LRRK2: variants seen among roughly 807,000 people sequenced by gnomAD.
The protein encoded by LRRK2 is leucine rich repeat kinase 2.
In LRRK2, 203 loss-of-function variants were observed where a neutral mutation model predicts 302.6. The observed-to-expected ratio is 0.67, with a 90% confidence interval of 0.60 to 0.75. LRRK2 has a LOEUF of 0.75. LRRK2 is among the 30% of genes least tolerant of loss of function. LRRK2 has a pLI of 0.00. For missense variants in LRRK2, 2,830 were observed against 2,951.0 expected, an observed-to-expected ratio of 0.96 and a Z score of 0.95; for synonymous variants, 1,066 against 1,031.9, an observed-to-expected ratio of 1.03 and a Z score of -0.63.
chr12:40,324,606 G>C lies in LRRK2; in HGVS notation c.5656+1300G>C, dbSNP rs554754283. Reference sequence around the variant, plus strand: ...AAATTACCCCAGAAATAATGCCTAAGATCTGTCAGTCAGGACATAATATTA... The same window carrying C: ...AAATTACCCCAGAAATAATGCCTAACATCTGTCAGTCAGGACATAATATTA... On this transcript the variant is annotated intron_variant, in intron 38 of 50. Transcript: ENST00000298910. Among the ~76,000 whole-genome samples, 12 of 152,240 alleles carry C rather than the reference G, an allele frequency of 7.9e-5. No individual in the cohort carries two copies. The South Asian group carries it at 2.5e-3, about 32-fold the overall frequency.
At chr12:40,270,219 C>T (rs1943176865) in intron 14 of LRRK2, among the ~76,000 whole-genome samples, 1 of 152,112 alleles carries the variant, frequency 6.6e-6, no homozygotes, top group Admixed American at 6.6e-5. Context: ...ATGAGGAAAT[C>T]AGAGTATTTG....
chr12:40,232,484 T>G lies in LRRK2; in HGVS notation c.347+101T>G, dbSNP rs1047925019. 7.3e-6 allele frequency: 6 copies of G among 824,960 alleles called. No homozygotes were observed. In the African/African-American group the frequency reaches 1.0e-4, roughly 14 times the overall value. 51.1% of individuals were successfully genotyped at this position (824,960 alleles called of 1,614,324 possible). A position where few individuals can be genotyped will look rare whatever the true frequency, so the allele number is the denominator to read the frequency against. ...TGTGTTTGCAATCCAAGGCTACTCC[T>G]GTGGAATTCTTTAAAATACAGATAT... On this transcript the variant is annotated intron_variant, in intron 3 of 50. Coordinates refer to ENST00000298910, the MANE Select transcript of LRRK2 (RefSeq NM_198578.4).
intron 41 of LRRK2, among the ~76,000 whole-genome samples, chr12:40,340,834 A>T (rs915370560): frequency 2.0e-5 from 3 of 152,198 alleles, no homozygotes; most frequent in African/African-American, 7.2e-5. Context: ...CTTTTTCATA[A>T]TTCTGAAACC....
Position 40,367,051 on chromosome 12 carries a change from A to G in LRRK2, c.7436A>G (p.Asn2479Ser), listed in dbSNP as rs2137058196. 2 of 1,609,754 alleles carry G rather than the reference A, an allele frequency of 1.2e-6. No homozygotes were observed. Among genetic ancestry groups the G allele is most frequent in the South Asian group, 2.2e-5 (2 of 90,996 alleles). ...CTGGTATTGGGCTACAACCGGAAAA[A>G]TACTGAAGGTACACAAAAGCAGAAA... The part of the protein sequence containing the change: ...VMLVLGYNRK[N>S]TEGTQKQKEI... Residue 2479 changes from asparagine (N) to serine (S), a missense_variant, in exon 50 of 51, where the codon AAT becomes AGT. By Grantham distance (46) the Asn-to-Ser change is conservative. Transcript: ENST00000298910.
intron 48 of LRRK2, 82 bp from the exon 49 acceptor site, chr12:40,364,760 A>T (rs938213159): frequency 1.8e-6 from 2 of 1,107,010 alleles, no homozygotes; most frequent in African/African-American, 1.6e-5. Flanking sequence ...ATAATTTAAA[A>T]TGTTGTTTAT....
At chr12:40,363,323 T>G (rs1447926021) in intron 47 of LRRK2, 79 bp from the exon 48 acceptor site, 1 of 1,341,158 alleles carries the variant, frequency 7.5e-7, no homozygotes, top group Non-Finnish European at 1.0e-6. Context: ...CATTAAGAAC[T>G]AATATAAGGT....
At chr12:40,345,136 A>G (rs2136969555) in intron 41 of LRRK2, among the ~76,000 whole-genome samples, 1 of 152,304 alleles carries the variant, frequency 6.6e-6, no homozygotes, top group Non-Finnish European at 1.5e-5. Context: ...TTCTGGCTGC[A>G]TATTTAAATT....
At chr12:40,245,782 C>G (rs1378508655) in intron 7 of LRRK2, among the ~76,000 whole-genome samples, 2 of 151,912 alleles carry the variant, frequency 1.3e-5, no homozygotes, top group Non-Finnish European at 2.9e-5. Context: ...TAAAGAAATG[C>G]AAATGATTTT....
chr12:40,326,473 A>AG (rs1945554768), intron 38 of LRRK2, among the ~76,000 whole-genome samples: 1 of 145,750 alleles, frequency 6.9e-6, no homozygotes, highest in African/African-American at 2.6e-5. Context: ...CTCAAAAAAA[A>AG]AAAGAAAAAA....
intron 16 of LRRK2, among the ~76,000 whole-genome samples, chr12:40,277,615 C>A (rs1400966192): frequency 6.6e-6 from 1 of 152,114 alleles, no homozygotes; most frequent in African/African-American, 2.4e-5. Flanking sequence ...TCTTTGAAAA[C>A]CAAATTTGAG....
At chr12:40,308,379 G>A in intron 28 of LRRK2, 88 bp from the exon 29 acceptor site, 6 of 973,974 alleles carry the variant, frequency 6.2e-6, no homozygotes, top group African/African-American at 1.6e-5. Context: ...CTATATTTTA[G>A]AATAGTGTGA....
At chr12:40,300,928 C>G (rs73268092) in intron 25 of LRRK2, 2 of 470,884 alleles carry the variant, frequency 4.2e-6, no homozygotes, top group Admixed American at 2.4e-5. Context: ...TCCAAAAGGA[C>G]CTTGAAGCTT....
At position 40,250,405 on chromosome 12, in the gene LRRK2, G is replaced by T. The variant is rs150836763; in HGVS notation, c.958+460G>T. Among the ~76,000 whole-genome samples, 3 of 152,132 alleles carry T rather than the reference G, an allele frequency of 2.0e-5. 1 individual carries two copies. Among genetic ancestry groups the T allele is most frequent in the Middle Eastern group, 6.3e-3 (2 of 316 alleles). On this transcript the variant is annotated intron_variant, in intron 8 of 50. Coordinates refer to ENST00000298910, the MANE Select transcript of LRRK2 (RefSeq NM_198578.4). The stretch of plus-strand genomic sequence containing the variant: ...CTCGGGAGGCCGAGGCAGGAGTATC[G>T]CTTGGAACTGGAGGGTAGGAGTTGA...
intron 46 of LRRK2, among the ~76,000 whole-genome samples, chr12:40,356,792 A>G (rs1241386784): frequency 6.6e-6 from 1 of 152,308 alleles, no homozygotes; most frequent in East Asian, 1.9e-4. Context: ...TGTAACAATA[A>G]TATTTCGAAT....
chr12:40,248,391 C>T (rs1031810336), intron 7 of LRRK2, among the ~76,000 whole-genome samples: 1 of 152,152 alleles, frequency 6.6e-6, no homozygotes, highest in African/African-American at 2.4e-5. Context: ...TGGCAACTGT[C>T]ATGTCATATG....
chr12:40,287,338 C>CT lies in LRRK2; in HGVS notation c.2501-12dup. The CT allele has an allele frequency of 6.3e-7, 1 of 1,581,280 alleles. No homozygotes were observed. Among genetic ancestry groups the CT allele is most frequent in the Non-Finnish European group, 8.6e-7 (1 of 1,161,108 alleles). On this transcript the variant is annotated splice_polypyrimidine_tract_variant and intron_variant, in intron 19 of 50. Transcript: ENST00000298910. ...GTTGATTTCTAAGTTGCTGGTGTAT[C>CT]TCTTATTTTCAGATATAGCATCTAC...
chr12:40,251,504 C>T lies in LRRK2; in HGVS notation c.1141C>T (p.Gln381Ter). Residue 381 changes from glutamine (Q) to a stop codon, truncating the protein, a stop_gained, in exon 10 of 51, where the codon CAA becomes TAA. Coordinates refer to ENST00000298910, the MANE Select transcript of LRRK2 (RefSeq NM_198578.4). LOFTEE classifies it high-confidence loss of function. ...CWALNNLLMY[Q>*]NSLHEKIGDE... The stretch of plus-strand genomic sequence containing the variant: ...GGCACTAAATAATCTCCTTATGTAC[C>T]AAAACAGTTTACATGAGAAGATTGG... 1 of 1,612,496 alleles carries T rather than the reference C, an allele frequency of 6.2e-7. No homozygotes were observed. Among genetic ancestry groups the T allele is most frequent in the Non-Finnish European group, 8.5e-7 (1 of 1,179,186 alleles).
chr12:40,357,419 C>G (rs1175735395), intron 46 of LRRK2, among the ~76,000 whole-genome samples: 1 of 151,930 alleles, frequency 6.6e-6, no homozygotes, highest in East Asian at 1.9e-4. Flanking sequence ...TATAGGAATC[C>G]CTTTGATATA....
Position 40,291,428 on chromosome 12 carries a change from TAA to T in LRRK2, c.2690-2114_2690-2113del, listed in dbSNP as rs952752814. Among the ~76,000 whole-genome samples, 14 of 107,086 alleles carry T rather than the reference TAA, an allele frequency of 1.3e-4. No individual in the cohort carries two copies. In the East Asian group the frequency reaches 1.7e-3, roughly 13 times the overall value. 70.3% of individuals were successfully genotyped at this position (107,086 alleles called of 152,430 possible). ...GTGTACCCTAGAACTTAAAGTATAA[TAA>T]AATATATATATATATATATAAATTT... On this transcript the variant is annotated intron_variant, in intron 20 of 50. Coordinates refer to ENST00000298910, the MANE Select transcript of LRRK2 (RefSeq NM_198578.4).
Sources: allele counts gnomAD v4.1 joint callset (sites outside exome capture counted in the v4.1 genomes callset), GRCh38; gene constraint gnomAD v4.1.1; transcripts MANE v1.5; gene names NCBI Gene and HGNC (gene_info 2026-07-23, HGNC 2026-07-21).